NKAIN3: variants seen among roughly 807,000 people sequenced by gnomAD.
NKAIN3 encodes the protein sodium/potassium transporting ATPase interacting 3, also known as sodium/potassium-transporting ATPase subunit beta-1-interacting protein 3.
In NKAIN3, 25 loss-of-function variants were observed where a neutral mutation model predicts 30.2. The ratio of observed to expected loss-of-function variants is 0.83; its 90% CI spans 0.60 to 1.16. The LOEUF (loss-of-function observed/expected upper bound fraction) is 1.16, where lower values mean the gene tolerates loss of function less well. Ranked by LOEUF, NKAIN3 falls within the 50% of genes most tolerant of loss-of-function variation. The pLI is 0.00. For synonymous variants in NKAIN3, 91 were observed against 89.6 expected (o/e 1.02, Z -0.09); for missense variants, 225 against 254.1 (o/e 0.89, Z 0.78).
chr8:62,842,372 T>C (rs2130761385), intron 4 of NKAIN3, among the ~76,000 whole-genome samples: 1 of 152,116 alleles, frequency 6.6e-6, no homozygotes, highest in South Asian at 2.1e-4. Flanking sequence ...AAAACACAAA[T>C]AAATTGAAAA....
intron 3 of NKAIN3, among the ~76,000 whole-genome samples, chr8:62,730,476 T>C (rs1331779735): frequency 1.3e-5 from 2 of 152,210 alleles, no homozygotes; most frequent in South Asian, 4.1e-4. Context: ...ATTATAAATA[T>C]TAAATGCTAT....
rs181481209 is a variant in NKAIN3, at chr8:62,966,196, G to A, written c.*789G>A. The stretch of plus-strand genomic sequence containing the variant: ...TAAACATACAGCTCATGGGCTTGTG[G>A]GACAGAAATCACAAACATAGACCTG... On this transcript the variant is annotated 3_prime_UTR_variant, in exon 7 of 7. Coordinates refer to ENST00000623646, the MANE Select transcript of NKAIN3 (RefSeq NM_001304533.3). 2,734 of 984,942 alleles carry A rather than the reference G, an allele frequency of 2.8e-3. 3 individuals carry two copies. Among genetic ancestry groups the A allele is most frequent in the Admixed American group, 5.1e-3 (83 of 16,256 alleles). 61.0% of individuals were successfully genotyped at this position (984,942 alleles called of 1,614,324 possible).
At chr8:62,473,368 C>T (rs1485037111) in intron 1 of NKAIN3, 4 of 152,148 alleles carry the variant, frequency 2.6e-5, no homozygotes, top group Non-Finnish European at 5.9e-5. Flanking sequence ...TTATTCGTTT[C>T]ACTTTCCTGA....
chr8:62,715,897 G>T (rs2130504929), intron 3 of NKAIN3, among the ~76,000 whole-genome samples: 1 of 152,268 alleles, frequency 6.6e-6, no homozygotes, highest in East Asian at 1.9e-4. Flanking sequence ...GGGCATAAAA[G>T]GAGCAGGGTG....
chr8:62,925,668 T>G (rs1822412444), intron 5 of NKAIN3, among the ~76,000 whole-genome samples: 1 of 152,194 alleles, frequency 6.6e-6, no homozygotes, highest in Non-Finnish European at 1.5e-5. Flanking sequence ...CTGAATCACA[T>G]CACCTCTTTG....
At chr8:62,726,507 G>C (rs1480128) in intron 3 of NKAIN3, among the ~76,000 whole-genome samples, 82,645 of 151,658 alleles carry the variant, frequency 0.54, 26,253 homozygotes, top group Non-Finnish European at 0.73. Context: ...ATCATGGAAG[G>C]ATGTAGAATT....
intron 1 of NKAIN3, among the ~76,000 whole-genome samples, chr8:62,305,341 A>G (rs1247869162): frequency 6.6e-6 from 1 of 150,398 alleles, no homozygotes; most frequent in East Asian, 1.9e-4. Flanking sequence ...GAGAAATCGA[A>G]TTTGAGTTAG....
intron 1 of NKAIN3, among the ~76,000 whole-genome samples, chr8:62,391,389 A>G (rs1221279235): frequency 3.4e-4 from 52 of 152,138 alleles, no homozygotes; most frequent in Admixed American, 3.1e-3. Context: ...AGAAAAACAA[A>G]GATCCAATCC....
At chr8:62,535,496 T>G (rs2129862876) in intron 1 of NKAIN3, among the ~76,000 whole-genome samples, 1 of 152,256 alleles carries the variant, frequency 6.6e-6, no homozygotes, top group Non-Finnish European at 1.5e-5. Context: ...CCTCCAGAAC[T>G]TCTGACCACC....
chr8:62,800,403 T>C (rs1004871551), intron 4 of NKAIN3, among the ~76,000 whole-genome samples: 6 of 152,104 alleles, frequency 3.9e-5, no homozygotes, highest in African/African-American at 1.4e-4. Context: ...AAAGACCAAG[T>C]CTACCACTCT....
rs34477671 is a variant in NKAIN3 at position 62,765,246 on chromosome 8, CAAAAAAAAA to C, written c.471+18129_471+18137del. 1.6e-4 allele frequency among the ~76,000 whole-genome samples: 7 copies of C among 42,518 alleles called. No individual in the cohort carries two copies. The South Asian group carries it at 7.4e-3, about 45-fold the overall frequency. The allele number at this position is 42,518 out of a possible 152,430, so 27.9% of individuals were successfully genotyped here. Reference sequence around the variant, plus strand: ...TGGGTGATGGTGTGAGACTCCATCTCAAAAAAAAAAAAAAAAAAAAGAAAAGAAAAGAAA... The same window carrying C: ...TGGGTGATGGTGTGAGACTCCATCTCAAAAAAAAAAAGAAAAGAAAAGAAA... On this transcript the variant is annotated intron_variant, in intron 4 of 6. Coordinates refer to ENST00000623646, the MANE Select transcript of NKAIN3 (RefSeq NM_001304533.3).
intron 3 of NKAIN3, among the ~76,000 whole-genome samples, chr8:62,688,165 C>T (rs1813854119): frequency 6.6e-6 from 1 of 152,150 alleles, no homozygotes; most frequent in Non-Finnish European, 1.5e-5. Flanking sequence ...TGCATTCCTT[C>T]AAGAATCATT....
intron 1 of NKAIN3, among the ~76,000 whole-genome samples, chr8:62,521,845 T>C (rs1808169378): frequency 1.3e-5 from 2 of 152,170 alleles, no homozygotes; most frequent in African/African-American, 4.8e-5. Context: ...TAAGATTTAG[T>C]TAAGTTTCCC....
chr8:62,814,242 C>A (rs1818593048), intron 4 of NKAIN3, among the ~76,000 whole-genome samples: 1 of 151,636 alleles, frequency 6.6e-6, no homozygotes, highest in Non-Finnish European at 1.5e-5. Context: ...TAATGCCTTT[C>A]CCCACCTTCT....
At chr8:62,601,655 A>G (rs184386252) in intron 3 of NKAIN3, among the ~76,000 whole-genome samples, 1 of 152,168 alleles carries the variant, frequency 6.6e-6, no homozygotes, top group East Asian at 1.9e-4. Context: ...GTATCTGCCC[A>G]CTTATTAAGG....
At chr8:62,450,299 TG>T (rs1805603241) in intron 1 of NKAIN3, among the ~76,000 whole-genome samples, 1 of 152,134 alleles carries the variant, frequency 6.6e-6, no homozygotes, top group Non-Finnish European at 1.5e-5. Context: ...TGTTAAGGGA[TG>T]GGTAAGATAG....
At chr8:62,931,998 T>C (rs910375748) in intron 5 of NKAIN3, among the ~76,000 whole-genome samples, 1 of 152,182 alleles carries the variant, frequency 6.6e-6, no homozygotes, top group Non-Finnish European at 1.5e-5. Flanking sequence ...TTTCTTGTTC[T>C]GAGGTCACTA....
rs148486772 is a variant in NKAIN3, at chr8:62,400,855, C to T, written c.54+151728C>T. Among the ~76,000 whole-genome samples the T allele has an allele frequency of 5.5e-3, 839 of 152,070 alleles. 10 individuals carry two copies. Among genetic ancestry groups the T allele is most frequent in the African/African-American group, 0.019 (792 of 41,478 alleles). ...TCACTTTTAGAATCCTTTCTTTATCCTTGGCCTTTGGCAGTTTCATTATTA... is the reference window on the plus strand; with the variant it reads ...TCACTTTTAGAATCCTTTCTTTATCTTTGGCCTTTGGCAGTTTCATTATTA... On this transcript the variant is annotated intron_variant, in intron 1 of 6. Transcript: ENST00000623646.
chr8:62,938,085 C>A (rs894658237), intron 5 of NKAIN3, among the ~76,000 whole-genome samples: 3 of 152,116 alleles, frequency 2.0e-5, no homozygotes, highest in African/African-American at 7.2e-5. Flanking sequence ...ACACGCCTAA[C>A]CCTGCCACCA....
Sources: gnomAD v4.1 joint callset for allele counts (sites outside exome capture counted in the v4.1 genomes callset) on GRCh38, gnomAD v4.1.1 for gene constraint, MANE v1.5 for transcripts, NCBI Gene and HGNC (gene_info 2026-07-23, HGNC 2026-07-21) for gene names.